Variants in ANKS1B observed in about 807,000 individuals in gnomAD.
ANKS1B encodes the protein ankyrin repeat and sterile alpha motif domain containing 1B.
Under a neutral mutation model 148.3 loss-of-function variants are expected in ANKS1B, and 36 were observed. That is an observed-to-expected ratio of 0.24 (90% CI 0.19 to 0.32). ANKS1B has a LOEUF of 0.32. Ranked by LOEUF, ANKS1B falls within the 10% of genes least tolerant of loss-of-function variation. The probability of loss-of-function intolerance (pLI) is 1.00; values close to 1 mark genes in which losing one functional copy is unlikely to be tolerated. For missense variants in ANKS1B, 1,157 were observed against 1,542.6 expected (o/e 0.75, Z 4.19); for synonymous variants, 542 against 560.8 (o/e 0.97, Z 0.47).
intron 17 of ANKS1B, among the ~76,000 whole-genome samples, chr12:99,006,941 G>A (rs188158723): frequency 1.4e-3 from 219 of 152,084 alleles, no homozygotes; most frequent in African/African-American, 3.6e-4. Context: ...AGCTAACCCC[G>A]GAGCCTACAT....
At chr12:99,614,875 A>G (rs974045734) in intron 9 of ANKS1B, among the ~76,000 whole-genome samples, 10 of 137,036 alleles carry the variant, frequency 7.3e-5, no homozygotes, top group Non-Finnish European at 1.1e-4. Flanking sequence ...CGGTTCTCTT[A>G]ATTAATTCTT....
intron 17 of ANKS1B, among the ~76,000 whole-genome samples, chr12:98,932,744 T>A (rs1220792709): frequency 1.3e-5 from 2 of 152,174 alleles, no homozygotes; most frequent in African/African-American, 4.8e-5. Flanking sequence ...TCAAATAAAT[T>A]TGAAACTTGC....
At chr12:99,330,585 T>C (rs1196428608) in intron 12 of ANKS1B, among the ~76,000 whole-genome samples, 3 of 151,898 alleles carry the variant, frequency 2.0e-5, no homozygotes, top group African/African-American at 7.2e-5. Context: ...AGATTGGAGG[T>C]GGGAAGGGGT....
chr12:98,883,376 G>A (rs1193988600), intron 17 of ANKS1B, among the ~76,000 whole-genome samples: 1 of 152,196 alleles, frequency 6.6e-6, no homozygotes, highest in African/African-American at 2.4e-5. Context: ...TCTTTCTGGT[G>A]TGTGATGAAG....
intron 1 of ANKS1B, among the ~76,000 whole-genome samples, chr12:99,831,207 A>C (rs570280852): frequency 6.7e-6 from 1 of 150,074 alleles, no homozygotes; most frequent in South Asian, 2.1e-4. Context: ...AAAAATGTCA[A>C]CCTCACTGGC....
intron 14 of ANKS1B, among the ~76,000 whole-genome samples, chr12:99,203,527 T>A (rs2153900079): frequency 6.6e-6 from 1 of 151,888 alleles, no homozygotes; most frequent in East Asian, 1.9e-4. Context: ...CTTGGCTCAC[T>A]GCAAGCTCCG....
At chr12:98,976,522 G>A (rs1263866474) in intron 17 of ANKS1B, 1 of 152,176 alleles carries the variant, frequency 6.6e-6, no homozygotes, top group Admixed American at 6.5e-5. Flanking sequence ...ACCGAAAGAA[G>A]AGCCTGCCTA....
intron 12 of ANKS1B, among the ~76,000 whole-genome samples, chr12:99,277,003 T>C (rs2077759486): frequency 1.3e-5 from 2 of 152,210 alleles, no homozygotes; most frequent in South Asian, 4.1e-4. Flanking sequence ...TTCCCCTTTC[T>C]TGCCGAATAT....
chr12:99,705,340 C>T (rs77105063), intron 8 of ANKS1B, among the ~76,000 whole-genome samples: 3,595 of 152,106 alleles, frequency 0.024, 153 homozygotes, highest in African/African-American at 0.082. Flanking sequence ...TGGATGTTGA[C>T]ATTCCTGTGT....
chr12:98,743,903 A>T (rs2097826577), downstream of ANKS1B: 1 of 750,646 alleles, frequency 1.3e-6, no homozygotes, highest in Non-Finnish European at 1.6e-6. Flanking sequence ...AGATGCTGAG[A>T]AGGCTGGGCC....
rs139975896 is a variant in ANKS1B at position 99,695,728 on chromosome 12, G to A, written c.1129-40518C>T. Among the ~76,000 whole-genome samples, 981 of 152,202 alleles carry A rather than the reference G, an allele frequency of 6.4e-3. 1 individual carries two copies. The highest frequency in any genetic ancestry group is 0.014 in the Middle Eastern group (4 of 294). ...GGAACAACACTCACTGGGGCCTGTC[G>A]GGGGAGGGTTGGGGGAGACAGAGCA... On this transcript the variant is annotated intron_variant, in intron 8 of 26. Coordinates refer to ENST00000683438, the MANE Select transcript of ANKS1B (RefSeq NM_001352186.2).
intron 9 of ANKS1B, chr12:99,648,247 A>G (rs2098391116): frequency 1.2e-6 from 2 of 1,614,234 alleles, no homozygotes; most frequent in Non-Finnish European, 8.5e-7. Flanking sequence ...TAACACCTCC[A>G]TGGGGAAGCT....
chr12:98,854,896 A>G (rs1489131397), intron 17 of ANKS1B, among the ~76,000 whole-genome samples: 1 of 151,820 alleles, frequency 6.6e-6, no homozygotes, highest in Non-Finnish European at 1.5e-5. Context: ...GCGGTGGCTC[A>G]CGCCTGTAAT....
chr12:98,842,483 C>T (rs1444348083), intron 17 of ANKS1B, among the ~76,000 whole-genome samples: 1 of 152,064 alleles, frequency 6.6e-6, no homozygotes, highest in African/African-American at 2.4e-5. Flanking sequence ...TGGAAATGTT[C>T]TAAAATGGGA....
intron 9 of ANKS1B, among the ~76,000 whole-genome samples, chr12:99,593,712 A>G (rs781151607): frequency 1.9e-4 from 29 of 152,164 alleles, no homozygotes; most frequent in Non-Finnish European, 3.4e-4. Flanking sequence ...TAAATGAAGT[A>G]AAATGCCTAT....
rs186863832 is a variant in ANKS1B, at chr12:98,755,875, T to C, written c.3580-4353A>G. Among the ~76,000 whole-genome samples, 50 of 152,288 alleles carry C rather than the reference T, an allele frequency of 3.3e-4. 1 individual carries two copies. Among genetic ancestry groups the C allele is most frequent in the Admixed American group, 1.2e-3 (18 of 15,292 alleles). On this transcript the variant is annotated intron_variant, in intron 25 of 26. Coordinates refer to ENST00000683438, the MANE Select transcript of ANKS1B (RefSeq NM_001352186.2). ...CTCTCCCCTCCCGTGCACACCATGG[T>C]GTTCCCCTGTTGAGAAGTCGAATCT...
At chr12:99,389,868 T>C (rs2093998631) in intron 12 of ANKS1B, among the ~76,000 whole-genome samples, 1 of 152,138 alleles carries the variant, frequency 6.6e-6, no homozygotes, top group Non-Finnish European at 1.5e-5. Flanking sequence ...TTTGGAAGGA[T>C]TAGCGCTTGT....
chr12:99,166,672 A>G (rs2077214172), intron 14 of ANKS1B, among the ~76,000 whole-genome samples: 1 of 152,078 alleles, frequency 6.6e-6, no homozygotes, highest in Non-Finnish European at 1.5e-5. Context: ...CATTGTTAAC[A>G]TATCTGTTCT....
chr12:99,205,804 C>T (rs1277021780), intron 14 of ANKS1B, among the ~76,000 whole-genome samples: 2 of 152,170 alleles, frequency 1.3e-5, no homozygotes, highest in Non-Finnish European at 2.9e-5. Context: ...ACAACAGTTG[C>T]AGTAAGTGGT....
Sources: gnomAD v4.1 joint callset for allele counts (sites outside exome capture counted in the v4.1 genomes callset) on GRCh38, gnomAD v4.1.1 for gene constraint, MANE v1.5 for transcripts, NCBI Gene and HGNC (gene_info 2026-07-23, HGNC 2026-07-21) for gene names.